Variants in MBP observed in about 807,000 individuals in gnomAD.
MBP encodes myelin basic protein.
In MBP, 16 loss-of-function variants were observed where a neutral mutation model predicts 35.8. That is an observed-to-expected ratio of 0.45 (90% CI 0.30 to 0.68). The LOEUF (loss-of-function observed/expected upper bound fraction) is 0.68. Among genes scored for constraint, MBP ranks in the 30% least tolerant of loss-of-function variants. MBP has a pLI of 0.08. For missense variants in MBP, 380 were observed against 404.7 expected (o/e 0.94, Z 0.52); for synonymous variants, 143 against 159.6 (o/e 0.90, Z 0.78).
Position 76,978,894 on chromosome 18 carries a change from C to T in MBP, c.*1533G>A, listed in dbSNP as rs913271338. 6.6e-6 allele frequency: 1 copy of T among 152,230 alleles called. No individual in the cohort carries two copies. Among genetic ancestry groups the T allele is most frequent in the Non-Finnish European group, 1.5e-5 (1 of 68,040 alleles). The allele number at this position is 152,230 out of a possible 1,614,324, so 9.4% of individuals were successfully genotyped here. On this transcript the variant is annotated 3_prime_UTR_variant, in exon 9 of 9. Coordinates refer to ENST00000355994, the MANE Select transcript of MBP (RefSeq NM_001025101.2). Reference sequence around the variant, plus strand: ...GGAACAGTGTACACTTTCCGTTCAGCCATCGTCACAGCACGTGCTGTGTGG... The same window carrying T: ...GGAACAGTGTACACTTTCCGTTCAGTCATCGTCACAGCACGTGCTGTGTGG...
At chr18:77,100,624 CACCGTAGCCTCG>C (rs1212025661) in intron 2 of MBP, among the ~76,000 whole-genome samples, 3 of 151,818 alleles carry the variant, frequency 2.0e-5, no homozygotes, top group African/African-American at 7.3e-5. Flanking sequence ...GATCATGGCT[CACCGTAGCCTCG>C]ACCTCTCCAG....
At position 77,080,746 on chromosome 18, in the gene MBP, C is replaced by T. The variant is rs1039929090; in HGVS notation, c.52-14361G>A. On this transcript the variant is annotated intron_variant, in intron 2 of 8. Transcript: ENST00000355994. ...TCACCCAGGCTGGAGTGCAGTGGTA[C>T]AATCTCAGCTCACTGCAACCTCTGC... Among the ~76,000 whole-genome samples the T allele has an allele frequency of 8.5e-5, 13 of 152,066 alleles. 1 individual carries two copies. The highest frequency in any genetic ancestry group is 3.1e-4 in the African/African-American group (13 of 41,402).
chr18:77,079,546 T>C (rs920227232), intron 2 of MBP, among the ~76,000 whole-genome samples: 7 of 152,226 alleles, frequency 4.6e-5, no homozygotes, highest in Non-Finnish European at 1.0e-4. Flanking sequence ...GCTATCTGTA[T>C]CTCTTCAGAG....
At chr18:77,064,342 C>A (rs966248147) in intron 3 of MBP, among the ~76,000 whole-genome samples, 1 of 152,184 alleles carries the variant, frequency 6.6e-6, no homozygotes, top group African/African-American at 2.4e-5. Flanking sequence ...TCTTCCTCTG[C>A]CACTGAGGAT....
chr18:77,072,135 GCCGGCGTACACACC>G lies in MBP; in HGVS notation c.52-5764_52-5751del, dbSNP rs1166700574. 4.6e-5 allele frequency among the ~76,000 whole-genome samples: 7 copies of G among 152,078 alleles called. No homozygotes were observed. In the South Asian group the frequency reaches 1.4e-3, roughly 31 times the overall value. On this transcript the variant is annotated intron_variant, in intron 2 of 8. Coordinates refer to ENST00000355994, the MANE Select transcript of MBP (RefSeq NM_001025101.2). ...TTGGCCTTTGAAGGCTCAGGATCCTGCCGGCGTACACACCCCTCCGCCTCCCCTCCCCTCCTGCC... is the reference window on the plus strand; with the variant it reads ...TTGGCCTTTGAAGGCTCAGGATCCTGCCTCCGCCTCCCCTCCCCTCCTGCC...
At chr18:76,985,928 C>A in intron 7 of MBP, 10 of 986,192 alleles carry the variant, frequency 1.0e-5, no homozygotes, top group Non-Finnish European at 1.2e-5. Context: ...CCTCATGGGC[C>A]GTGTGACCGC....
chr18:77,055,940 G>GA (rs1232926862), intron 3 of MBP, among the ~76,000 whole-genome samples: 2 of 152,006 alleles, frequency 1.3e-5, no homozygotes, highest in African/African-American at 2.4e-5. Flanking sequence ...TTTTAGAAAG[G>GA]AAAAAAAGAA....
intron 2 of MBP, chr18:77,068,926 C>A: frequency 2.2e-6 from 1 of 457,798 alleles, no homozygotes; most frequent in Non-Finnish European, 4.4e-6. Context: ...CAGCAGCCGC[C>A]ACCACGGAGC....
chr18:77,070,675 T>TG (rs1036737146), intron 2 of MBP, among the ~76,000 whole-genome samples: 1 of 152,140 alleles, frequency 6.6e-6, no homozygotes, highest in Non-Finnish European at 1.5e-5. Flanking sequence ...AAGCTTTCCC[T>TG]GGGGGTCAGT....
In MBP at chr18:76,989,766, GA is replaced by G; in HGVS notation, c.681+189del. On this transcript the variant is annotated intron_variant, in intron 5 of 8. Coordinates refer to ENST00000355994, the MANE Select transcript of MBP (RefSeq NM_001025101.2). This position sits in a 1 kb window ranked among gnomAD's most constrained non-coding sequence, Gnocchi z 4.0. ...GGAGCGCACGGTGCAATCCGTGGCA[GA>G]TACAGTCGGGAAGCGCTTGCCTGGA... 1 of 590,324 alleles carries G rather than the reference GA, an allele frequency of 1.7e-6. No individual in the cohort carries two copies. Among genetic ancestry groups the G allele is most frequent in the Non-Finnish European group, 3.0e-6 (1 of 327,914 alleles). The allele number at this position is 590,324 out of a possible 1,614,324, so 36.6% of individuals were successfully genotyped here. A position where few individuals can be genotyped will look rare whatever the true frequency, so the allele number is the denominator to read the frequency against.
intron 2 of MBP, among the ~76,000 whole-genome samples, chr18:77,086,212 T>G (rs1975228129): frequency 6.6e-6 from 1 of 152,212 alleles, no homozygotes; most frequent in African/African-American, 2.4e-5. Context: ...CAACTTGTCC[T>G]AAGAGCTGGA....
At chr18:77,071,371 T>G (rs772091868) in intron 2 of MBP, among the ~76,000 whole-genome samples, 2 of 151,854 alleles carry the variant, frequency 1.3e-5, no homozygotes, top group Non-Finnish European at 2.9e-5. Context: ...AAATGCTGCA[T>G]TTCCCTTAAA....
chr18:77,077,515 G>A (rs766579162), intron 2 of MBP, among the ~76,000 whole-genome samples: 2 of 152,136 alleles, frequency 1.3e-5, no homozygotes, highest in Non-Finnish European at 2.9e-5. Flanking sequence ...CTGGGTAGAT[G>A]ACAAGGCAAA....
chr18:77,031,990 C>T (rs183400402), intron 3 of MBP, among the ~76,000 whole-genome samples: 22 of 152,342 alleles, frequency 1.4e-4, no homozygotes, highest in African/African-American at 4.1e-4. Context: ...ATGGCAACGA[C>T]AACAAGTGTG....
intron 3 of MBP, among the ~76,000 whole-genome samples, chr18:77,065,496 C>T (rs1974159119): frequency 6.6e-6 from 1 of 152,148 alleles, no homozygotes; most frequent in Non-Finnish European, 1.5e-5. Context: ...CACATTCAAT[C>T]CACAAAAATA....
At chr18:77,066,713 G>T (rs969462841) in intron 2 of MBP, 2 of 546,964 alleles carry the variant, frequency 3.7e-6, no homozygotes, top group African/African-American at 3.8e-5. Context: ...CATAGTTACT[G>T]CTTTAGATTC....
chr18:77,052,657 C>T (rs114434606), intron 3 of MBP, among the ~76,000 whole-genome samples: 11 of 152,318 alleles, frequency 7.2e-5, no homozygotes, highest in African/African-American at 2.6e-4. Context: ...CTGTATATCC[C>T]GGCAAGCTCA....
intron 2 of MBP, among the ~76,000 whole-genome samples, chr18:77,083,931 G>A (rs1177144483): frequency 6.6e-6 from 1 of 152,076 alleles, no homozygotes; most frequent in Non-Finnish European, 1.5e-5. Context: ...ATAGTTGCAC[G>A]TATCCAGTAA....
At chr18:76,996,837 GC>G (rs1329858604) in intron 4 of MBP, among the ~76,000 whole-genome samples, 2 of 152,122 alleles carry the variant, frequency 1.3e-5, no homozygotes, top group Non-Finnish European at 2.9e-5. Context: ...TACCCCCAAA[GC>G]AAGCCCATTT....
Sources: allele counts gnomAD v4.1 joint callset (sites outside exome capture counted in the v4.1 genomes callset), GRCh38; gene constraint gnomAD v4.1.1; non-coding constraint Gnocchi (gnomAD v3.1); transcripts MANE v1.5; gene names NCBI Gene and HGNC (gene_info 2026-07-23, HGNC 2026-07-21).